The following ZSWIM6 variants were observed in gnomAD, a reference collection of about 807,000 sequenced individuals.
ZSWIM6 encodes the protein zinc finger SWIM domain-containing protein 6.
A neutral mutation model predicts 113.2 loss-of-function variants in ZSWIM6; 9 were observed. That is an observed-to-expected ratio of 0.08 (90% CI 0.05 to 0.14). The LOEUF is 0.14. Among genes scored for constraint, ZSWIM6 ranks in the 10% least tolerant of loss-of-function variants. The probability of loss-of-function intolerance (pLI) is 1.00; values close to 1 mark genes in which losing one functional copy is unlikely to be tolerated. For missense variants in ZSWIM6, 1,162 were observed against 1,552.2 expected (o/e 0.75, Z 4.22); for synonymous variants, 611 against 606.5 (o/e 1.01, Z -0.11).
At chr5:61,538,311 TCTTA>T (rs553446777) in intron 10 of ZSWIM6, among the ~76,000 whole-genome samples, 115 of 152,342 alleles carry the variant, frequency 7.5e-4, no homozygotes, top group African/African-American at 2.7e-3. Context: ...GTAATTTTTG[TCTTA>T]CTTCCCTTCT....
At chr5:61,420,454 A>T (rs1227136400) in intron 1 of ZSWIM6, among the ~76,000 whole-genome samples, 1 of 152,196 alleles carries the variant, frequency 6.6e-6, no homozygotes, top group Non-Finnish European at 1.5e-5. Context: ...AATGTTCTCC[A>T]TACAGAAGTT....
At chr5:61,459,658 A>G (rs1379925285) in intron 1 of ZSWIM6, among the ~76,000 whole-genome samples, 2 of 152,218 alleles carry the variant, frequency 1.3e-5, no homozygotes, top group Non-Finnish European at 2.9e-5. Context: ...TTAACCTTGT[A>G]TTAAATAAAA....
intron 4 of ZSWIM6, among the ~76,000 whole-genome samples, chr5:61,498,969 A>C (rs1194590647): frequency 6.6e-6 from 1 of 151,966 alleles, no homozygotes; most frequent in Non-Finnish European, 1.5e-5. Flanking sequence ...CCCTGTTTTG[A>C]GCTTCTTACT....
intron 7 of ZSWIM6, among the ~76,000 whole-genome samples, chr5:61,528,807 C>T (rs1281120615): frequency 2.6e-5 from 4 of 152,052 alleles, no homozygotes; most frequent in Admixed American, 6.6e-5. Flanking sequence ...AGGCTGGTCT[C>T]GAACTCCTGA....
At chr5:61,467,454 A>G (rs1345693660) in intron 1 of ZSWIM6, among the ~76,000 whole-genome samples, 2 of 152,184 alleles carry the variant, frequency 1.3e-5, no homozygotes, top group African/African-American at 2.4e-5. Flanking sequence ...TACATTACAC[A>G]TTGCGTACTA....
Position 61,332,732 on chromosome 5 carries a change from G to A in ZSWIM6, c.460G>A (p.Gly154Ser), listed in dbSNP as rs1430663925. The A allele has an allele frequency of 9.0e-5, 87 of 965,084 alleles. No individual in the cohort carries two copies. Among genetic ancestry groups the A allele is most frequent in the Non-Finnish European group, 1.0e-4 (85 of 817,242 alleles). 59.8% of individuals were successfully genotyped at this position (965,084 alleles called of 1,614,324 possible). A position where few individuals can be genotyped will look rare whatever the true frequency, so the allele number is the denominator to read the frequency against. ...GGGAGGGGGG[G>S]SSSSPAATSA... ...CGGCGCGGGCGGCGGCGGCGGCGGC[G>A]GCTCCTCGTCTTCCCCGGCCGCAAC... The change falls in exon 1 of 14, where the codon GGC becomes AGC. Residue 154 changes from glycine to serine, a missense_variant. This residue lies in a region of ZSWIM6 where 333 missense variants were observed against 293.4 expected (regional missense o/e 1.13). Coordinates refer to ENST00000252744, the MANE Select transcript of ZSWIM6 (RefSeq NM_020928.2).
At chr5:61,362,932 T>C (rs901574038) in intron 1 of ZSWIM6, among the ~76,000 whole-genome samples, 44 of 152,238 alleles carry the variant, frequency 2.9e-4, no homozygotes, top group African/African-American at 1.0e-3. Flanking sequence ...ACAAGACTTA[T>C]CCCTAAAACA....
At position 61,439,711 on chromosome 5, in the gene ZSWIM6, T is replaced by C. The variant is rs1413224513; in HGVS notation, c.677-32970T>C. 2.0e-5 allele frequency among the ~76,000 whole-genome samples: 3 copies of C among 152,202 alleles called. No homozygotes were observed. In the East Asian group the frequency reaches 5.8e-4, roughly 29 times the overall value. On this transcript the variant is annotated intron_variant, in intron 1 of 13. Coordinates refer to ENST00000252744, the MANE Select transcript of ZSWIM6 (RefSeq NM_020928.2). ...CTAAGAGTGTTCTTGATTATTTGTCTTGGTATGTTTGTGCACGCACCAATA... is the reference window on the plus strand; with the variant it reads ...CTAAGAGTGTTCTTGATTATTTGTCCTGGTATGTTTGTGCACGCACCAATA...
At chr5:61,418,282 T>A (rs1202928364) in intron 1 of ZSWIM6, among the ~76,000 whole-genome samples, 1 of 152,130 alleles carries the variant, frequency 6.6e-6, no homozygotes, top group Non-Finnish European at 1.5e-5. Context: ...TTATTTATTT[T>A]TTTGAGGCGA....
At chr5:61,427,351 C>T (rs924274361) in intron 1 of ZSWIM6, among the ~76,000 whole-genome samples, 1 of 152,126 alleles carries the variant, frequency 6.6e-6, no homozygotes, top group South Asian at 2.1e-4. Context: ...TTTAAATAAT[C>T]TCTGGGTTAC....
chr5:61,421,830 A>G (rs1331614186), intron 1 of ZSWIM6, among the ~76,000 whole-genome samples: 1 of 152,204 alleles, frequency 6.6e-6, no homozygotes, highest in Non-Finnish European at 1.5e-5. Flanking sequence ...TTATGGCTGC[A>G]TAGTATTCCA....
intron 1 of ZSWIM6, among the ~76,000 whole-genome samples, chr5:61,378,605 G>A (rs1037766375): frequency 2.6e-5 from 4 of 151,958 alleles, no homozygotes; most frequent in Non-Finnish European, 2.9e-5. Context: ...GCCCAGCCTG[G>A]AGTGCAATAG....
At chr5:61,425,672 G>C (rs1401805905) in intron 1 of ZSWIM6, among the ~76,000 whole-genome samples, 1 of 152,044 alleles carries the variant, frequency 6.6e-6, no homozygotes, top group Non-Finnish European at 1.5e-5. Context: ...AGGGAAAGAG[G>C]CATTTAAGGT....
At chr5:61,522,044 A>C (rs963836849) in intron 5 of ZSWIM6, among the ~76,000 whole-genome samples, 1 of 151,486 alleles carries the variant, frequency 6.6e-6, no homozygotes. Flanking sequence ...ATGCTCCCAG[A>C]CATTTCCAAA....
chr5:61,419,321 C>G (rs1168767566), intron 1 of ZSWIM6, among the ~76,000 whole-genome samples: 1 of 152,236 alleles, frequency 6.6e-6, no homozygotes, highest in South Asian at 2.1e-4. Context: ...ACCATTATCT[C>G]ACTGGTTATA....
intron 1 of ZSWIM6, among the ~76,000 whole-genome samples, chr5:61,409,839 G>A (rs72761446): frequency 6.6e-6 from 1 of 152,274 alleles, no homozygotes; most frequent in Non-Finnish European, 1.5e-5. Context: ...GAGCCATTAA[G>A]CTCCATGGAA....
At chr5:61,428,432 A>G (rs1746508115) in intron 1 of ZSWIM6, among the ~76,000 whole-genome samples, 1 of 152,186 alleles carries the variant, frequency 6.6e-6, no homozygotes, top group Admixed American at 6.5e-5. Flanking sequence ...ATGCAGTCTT[A>G]GCTCATTGCA....
At chr5:61,464,855 G>C (rs758809673) in intron 1 of ZSWIM6, among the ~76,000 whole-genome samples, 1 of 152,222 alleles carries the variant, frequency 6.6e-6, no homozygotes, top group Non-Finnish European at 1.5e-5. Context: ...GTTTACACCC[G>C]GTCCTTGGGA....
chr5:61,356,752 T>C (rs947423360), intron 1 of ZSWIM6, among the ~76,000 whole-genome samples: 1 of 138,748 alleles, frequency 7.2e-6, no homozygotes, highest in Admixed American at 7.7e-5. Flanking sequence ...TATATATATA[T>C]TATATATAAT....
Sources: gnomAD v4.1 joint callset for allele counts (sites outside exome capture counted in the v4.1 genomes callset) on GRCh38, gnomAD v4.1.1 for gene constraint, gnomAD v4.1.1 regional missense constraint, MANE v1.5 for transcripts, NCBI Gene and HGNC (gene_info 2026-07-23, HGNC 2026-07-21) for gene names.